Variants in ABRACL observed in about 807,000 individuals in gnomAD.
ABRACL encodes ABRA C-terminal like, also known as costars family protein ABRACL.
In ABRACL, 4 loss-of-function variants were observed where a neutral mutation model predicts 7.0. The observed-to-expected ratio is 0.57, with a 90% CI of 0.28 to 1.30. ABRACL has a LOEUF of 1.30. Ranked by LOEUF, ABRACL falls within the 50% of genes most tolerant of loss-of-function variation. ABRACL has a pLI of 0.10. For missense variants in ABRACL, 104 were observed against 97.3 expected (o/e 1.07, Z -0.29); for synonymous variants, 30 against 36.0 (o/e 0.83, Z 0.60).
chr6:139,039,165 C>T (rs1316033566), intron 2 of ABRACL, among the ~76,000 whole-genome samples: 2 of 151,750 alleles, frequency 1.3e-5, no homozygotes, highest in East Asian at 3.9e-4. Flanking sequence ...GCGGAGGTTG[C>T]AGTGAGCCGA....
intron 1 of ABRACL, among the ~76,000 whole-genome samples, chr6:139,031,380 A>G (rs1398194029): frequency 3.9e-5 from 6 of 152,228 alleles, no homozygotes; most frequent in African/African-American, 9.7e-5. Flanking sequence ...AAGACTATTC[A>G]TATAAGTACA....
At chr6:139,034,104 CT>C in intron 1 of ABRACL, 50 bp from the exon 2 acceptor site, 1 of 1,610,106 alleles carries the variant, frequency 6.2e-7, no homozygotes, top group Non-Finnish European at 8.5e-7. Flanking sequence ...TTTGGATGTG[CT>C]TAATGGAATG....
chr6:139,041,508 T>TGTGG (rs1786250220), intron 2 of ABRACL, among the ~76,000 whole-genome samples: 1 of 51,710 alleles, frequency 1.9e-5, no homozygotes. Flanking sequence ...TGTGTGTGTG[T>TGTGG]GTGTGTATAT....
intron 1 of ABRACL, among the ~76,000 whole-genome samples, chr6:139,033,331 G>A (rs562960432): frequency 6.6e-6 from 1 of 152,366 alleles, no homozygotes; most frequent in South Asian, 2.1e-4. Context: ...ATCTGCAGAT[G>A]AATGAACTTC....
In ABRACL at chr6:139,042,865, G is replaced by A. The variant is rs755564745; in HGVS notation, c.208G>A (p.Val70Ile). The A allele has an allele frequency of 2.0e-5, 33 of 1,613,100 alleles. No homozygotes were observed. The highest frequency in any genetic ancestry group is 2.7e-5 in the Non-Finnish European group (32 of 1,179,736). The stretch of plus-strand genomic sequence containing the variant: ...TCCAGGAGAGCTGCTTCTGCAAGGT[G>A]TTCATGATGATGTTGACATTATATT... ...TYPGELLLQG[V>I]HDDVDIILLQ... Residue 70 changes from valine (V) to isoleucine (I), a missense_variant, in exon 3 of 3, where the codon GTT becomes ATT. Physicochemically the swap from Val to Ile is conservative, Grantham distance 29. Coordinates refer to ENST00000367660, the MANE Select transcript of ABRACL (RefSeq NM_021243.3).
At chr6:139,040,927 G>T (rs1442963048) in intron 2 of ABRACL, among the ~76,000 whole-genome samples, 1 of 152,194 alleles carries the variant, frequency 6.6e-6, no homozygotes, top group Non-Finnish European at 1.5e-5. Context: ...GCTAGGCACT[G>T]TGCTGGGTGC....
intron 1 of ABRACL, among the ~76,000 whole-genome samples, chr6:139,031,634 G>A (rs1034573860): frequency 1.6e-4 from 24 of 152,182 alleles, no homozygotes; most frequent in African/African-American, 5.6e-4. Context: ...GTTCTCACAT[G>A]GTGGCCATTG....
At chr6:139,031,579 A>G (rs1298272013) in intron 1 of ABRACL, among the ~76,000 whole-genome samples, 1 of 152,218 alleles carries the variant, frequency 6.6e-6, no homozygotes, top group Non-Finnish European at 1.5e-5. Flanking sequence ...AGTCATTGTT[A>G]TATGGCTGGA....
In ABRACL at chr6:139,034,186, T is replaced by A. The variant is rs1786121723; in HGVS notation, c.26T>A (p.Leu9His). Residue 9 changes from leucine (L) to histidine (H), a missense_variant, in exon 2 of 3, where the codon CTC becomes CAC. Leu to His is a moderately conservative substitution (Grantham distance 99, BLOSUM62 -3). Coordinates refer to ENST00000367660, the MANE Select transcript of ABRACL (RefSeq NM_021243.3). ...ATGAATGTGGATCACGAGGTTAACCTCTTAGTGGAGGAAATTCATCGTTTG... is the reference window on the plus strand; with the variant it reads ...ATGAATGTGGATCACGAGGTTAACCACTTAGTGGAGGAAATTCATCGTTTG... MNVDHEVN[L>H]LVEEIHRLGS... The A allele has an allele frequency of 1.2e-6, 2 of 1,614,116 alleles. No homozygotes were observed. Among genetic ancestry groups the A allele is most frequent in the South Asian group, 2.2e-5 (2 of 91,088 alleles).
chr6:139,034,600 T>C, intron 2 of ABRACL: 1 of 510,900 alleles, frequency 2.0e-6, no homozygotes, highest in Admixed American at 4.3e-5. Context: ...AACTTCTTTT[T>C]TTTCAAATCA....
chr6:139,032,352 A>T (rs908160251), intron 1 of ABRACL, among the ~76,000 whole-genome samples: 2 of 152,250 alleles, frequency 1.3e-5, no homozygotes, highest in Non-Finnish European at 2.9e-5. Flanking sequence ...TGAATTGCAT[A>T]TAATGTTACA....
chr6:139,042,704 A>G lies in ABRACL; in HGVS notation c.62-15A>G, dbSNP rs1198546211. ...CAGACTTTGCATTTGCTAACAATGT[A>G]TTTTCTCAAACTAGATGCTGATGGA... On this transcript the variant is annotated splice_polypyrimidine_tract_variant and intron_variant, in intron 2 of 2. Coordinates refer to ENST00000367660, the MANE Select transcript of ABRACL (RefSeq NM_021243.3). 2 of 1,603,528 alleles carry G rather than the reference A, an allele frequency of 1.2e-6. No individual in the cohort carries two copies. The highest frequency in any genetic ancestry group is 8.5e-7 in the Non-Finnish European group (1 of 1,174,456).
chr6:139,038,637 A>AT (rs982329726), intron 2 of ABRACL, among the ~76,000 whole-genome samples: 9 of 152,064 alleles, frequency 5.9e-5, no homozygotes, highest in Non-Finnish European at 7.4e-5. Flanking sequence ...CATTCAACAA[A>AT]TTTTTTTTAG....
At chr6:139,041,491 ATATGTGTGTG>A (rs1786249104) in intron 2 of ABRACL, among the ~76,000 whole-genome samples, 1 of 63,310 alleles carries the variant, frequency 1.6e-5, no homozygotes, top group Non-Finnish European at 3.2e-5. Flanking sequence ...CTATATATAT[ATATGTGTGTG>A]TGTGTGTGTG....
chr6:139,032,974 CA>C (rs1786104239), intron 1 of ABRACL, among the ~76,000 whole-genome samples: 1 of 152,172 alleles, frequency 6.6e-6, no homozygotes, highest in Admixed American at 6.5e-5. Flanking sequence ...AATGTAATTC[CA>C]ATTAAGTGAA....
Position 139,042,792 on chromosome 6 carries a change from A to G in ABRACL, c.135A>G (p.Ala45=), listed in dbSNP as rs1449037734. The change falls in exon 3 of 3, where the codon GCA becomes GCG. Residue 45 remains alanine (A), a synonymous_variant. Coordinates refer to ENST00000367660, the MANE Select transcript of ABRACL (RefSeq NM_021243.3). ...RDDKCANLFE[A]LVGTLKAAKR... is the part of the protein sequence containing the mutation. ...ATAAATGTGCCAACCTCTTTGAAGCATTGGTAGGAACTCTTAAAGCTGCAA... is the reference window on the plus strand; with the variant it reads ...ATAAATGTGCCAACCTCTTTGAAGCGTTGGTAGGAACTCTTAAAGCTGCAA... The G allele has an allele frequency of 6.5e-5, 105 of 1,613,966 alleles. No homozygotes were observed. The highest frequency in any genetic ancestry group is 8.7e-5 in the Non-Finnish European group (103 of 1,179,994).
rs768476146 is a variant in ABRACL at position 139,042,877 on chromosome 6, G to T, written c.220G>T (p.Val74Phe). The T allele has an allele frequency of 1.9e-6, 3 of 1,612,032 alleles. No homozygotes were observed. The highest frequency in any genetic ancestry group is 2.2e-5 in the South Asian group (2 of 90,524). ...GCTTCTGCAAGGTGTTCATGATGAT[G>T]TTGACATTATATTACTGCAAGATTA... is the stretch of plus-strand genomic sequence containing the variant. Reference protein sequence around the residue: ...ELLLQGVHDDVDIILLQD With the variant: ...ELLLQGVHDDFDIILLQD The change falls in exon 3 of 3, where the codon GTT becomes TTT. Residue 74 changes from valine (V) to phenylalanine (F), a missense_variant. Transcript: ENST00000367660.
At chr6:139,041,451 C>CTCTCTATATATATA (rs140091253) in intron 2 of ABRACL, among the ~76,000 whole-genome samples, 90 of 110,038 alleles carry the variant, frequency 8.2e-4, no homozygotes, top group Non-Finnish European at 1.4e-3. Context: ...CTCTCTCTCT[C>CTCTCTATATATATA]TATATATATA....
rs1165991838 is a variant in ABRACL at position 139,041,491 on chromosome 6, A to ATGTG, written c.62-1227_62-1226insGTGT. Among the ~76,000 whole-genome samples the ATGTG allele has an allele frequency of 4.3e-3, 275 of 63,344 alleles. 8 individuals carry two copies. In the East Asian group the frequency reaches 0.17, roughly 38 times the overall value. 41.6% of individuals were successfully genotyped at this position (63,344 alleles called of 152,430 possible). On this transcript the variant is annotated intron_variant, in intron 2 of 2. Transcript: ENST00000367660. ...TATATTTCTATATTTCTATATATAT[A>ATGTG]TATGTGTGTGTGTGTGTGTGTGTAT...
Sources: gnomAD v4.1 joint callset for allele counts (sites outside exome capture counted in the v4.1 genomes callset) on GRCh38, gnomAD v4.1.1 for gene constraint, MANE v1.5 for transcripts, NCBI Gene and HGNC (gene_info 2026-07-23, HGNC 2026-07-21) for gene names.